REDIC1: variants seen among roughly 807,000 people sequenced by gnomAD.
The protein encoded by REDIC1 is regulator of DNA class I crossover intermediates 1.
the REDIC1 span, among the ~76,000 whole-genome samples, chr12:39,741,178 G>A: frequency 2.8e-4 from 42 of 152,040 alleles, no homozygotes; most frequent in Admixed American, 3.9e-4. Context: ...ATAATTTCAG[G>A]TTTTCTTAAA....
chr12:39,641,581 A>G, the REDIC1 span, among the ~76,000 whole-genome samples: 113 of 151,918 alleles, frequency 7.4e-4, no homozygotes, highest in African/African-American at 2.6e-3. Context: ...GAATGGTTAA[A>G]CAAATTATGG....
the REDIC1 span, among the ~76,000 whole-genome samples, chr12:39,812,210 G>T: frequency 6.6e-6 from 1 of 152,046 alleles, no homozygotes; most frequent in African/African-American, 2.4e-5. Flanking sequence ...TGGTAGAATG[G>T]AAGAGGGAAT....
At chr12:39,786,369 C>CCCG in the REDIC1 span, among the ~76,000 whole-genome samples, 1 of 152,212 alleles carries the variant, frequency 6.6e-6, no homozygotes, top group African/African-American at 2.4e-5. Flanking sequence ...TCTTTCATCT[C>CCCG]CCACCATGAT....
the REDIC1 span, among the ~76,000 whole-genome samples, chr12:39,793,667 C>G: frequency 6.6e-6 from 1 of 152,122 alleles, no homozygotes; most frequent in African/African-American, 2.4e-5. Flanking sequence ...GTAGATGGAG[C>G]TGGGACCTCT....
the REDIC1 span, among the ~76,000 whole-genome samples, chr12:39,734,067 G>A: frequency 3.9e-5 from 6 of 152,222 alleles, no homozygotes; most frequent in South Asian, 2.1e-4. Flanking sequence ...CCTGGTTTGC[G>A]GGTTGTGAAG....
chr12:39,712,717 G>C, the REDIC1 span, among the ~76,000 whole-genome samples: 1 of 128,872 alleles, frequency 7.8e-6, no homozygotes, highest in Non-Finnish European at 1.6e-5. Flanking sequence ...GTATATAGAC[G>C]TATACGTGTA....
At chr12:39,790,029 A>C in the REDIC1 span, among the ~76,000 whole-genome samples, 1 of 152,020 alleles carries the variant, frequency 6.6e-6, no homozygotes, top group African/African-American at 2.4e-5. Context: ...AGTTAATTTT[A>C]GTAATATATT....
the REDIC1 span, among the ~76,000 whole-genome samples, chr12:39,902,892 C>A: frequency 6.6e-6 from 1 of 152,044 alleles, no homozygotes; most frequent in Non-Finnish European, 1.5e-5. Context: ...GAAGTCATTA[C>A]CTTATTCCTT....
chr12:39,712,575 G>C, the REDIC1 span, among the ~76,000 whole-genome samples: 3 of 141,728 alleles, frequency 2.1e-5, no homozygotes, highest in African/African-American at 5.1e-5. Context: ...ACGTATATAC[G>C]TATATATGTA....
At chr12:39,681,631 G>A in the REDIC1 span, among the ~76,000 whole-genome samples, 1 of 152,004 alleles carries the variant, frequency 6.6e-6, no homozygotes, top group Non-Finnish European at 1.5e-5. Flanking sequence ...ACATCATTCT[G>A]TCTAAAACAC....
At chr12:39,896,348 G>A in the REDIC1 span, among the ~76,000 whole-genome samples, 24 of 126,608 alleles carry the variant, frequency 1.9e-4, no homozygotes, top group Non-Finnish European at 3.1e-4. Flanking sequence ...ATACATATAT[G>A]TATGTATATG....
chr12:39,793,794 G>A, the REDIC1 span, among the ~76,000 whole-genome samples: 4 of 151,846 alleles, frequency 2.6e-5, no homozygotes, highest in African/African-American at 7.3e-5. Context: ...TAATTTCTAG[G>A]GTCATTAATC....
the REDIC1 span, chr12:39,759,573 GA>G: frequency 6.5e-6 from 1 of 154,442 alleles, no homozygotes; most frequent in South Asian, 2.0e-4. Context: ...TACTCTGTAG[GA>G]AAACTGAGGG....
At chr12:39,900,380 A>C in the REDIC1 span, among the ~76,000 whole-genome samples, 1 of 152,180 alleles carries the variant, frequency 6.6e-6, no homozygotes, top group African/African-American at 2.4e-5. Context: ...TTATATTAGG[A>C]AAAGAGGAAG....
chr12:39,809,429 T>C, the REDIC1 span, among the ~76,000 whole-genome samples: 2 of 152,216 alleles, frequency 1.3e-5, no homozygotes, highest in Non-Finnish European at 2.9e-5. Flanking sequence ...TCATTTTTTA[T>C]AGAACTGTTT....
At chr12:39,681,299 A>G in the REDIC1 span, among the ~76,000 whole-genome samples, 2 of 152,060 alleles carry the variant, frequency 1.3e-5, no homozygotes, top group African/African-American at 4.8e-5. Context: ...GATTGATATA[A>G]TGGATTCTGG....
the REDIC1 span, among the ~76,000 whole-genome samples, chr12:39,700,497 G>T: frequency 6.6e-6 from 1 of 152,290 alleles, no homozygotes; most frequent in Non-Finnish European, 1.5e-5. Context: ...ATGGAACCAA[G>T]TTGGAAAACA....
the REDIC1 span, among the ~76,000 whole-genome samples, chr12:39,814,444 A>G: frequency 1.3e-5 from 2 of 152,190 alleles, no homozygotes. Context: ...TTATTGTATC[A>G]AGTAACACAC....
At chr12:39,762,104 G>C in the REDIC1 span, among the ~76,000 whole-genome samples, 1 of 152,004 alleles carries the variant, frequency 6.6e-6, no homozygotes, top group African/African-American at 2.4e-5. Context: ...TCCAAAGCAC[G>C]CAAATGCCAA....
Sources: gnomAD v4.1 joint callset for allele counts (sites outside exome capture counted in the v4.1 genomes callset) on GRCh38, gnomAD v4.1.1 for gene constraint, MANE v1.5 for transcripts, NCBI Gene and HGNC (gene_info 2026-07-23, HGNC 2026-07-21) for gene names.